The following MARCHF8 variants were observed in gnomAD, a reference collection of about 807,000 sequenced individuals.
The protein encoded by MARCHF8 is E3 ubiquitin-protein ligase MARCHF8.
MARCHF8 carries 40 observed loss-of-function variants against 51.6 expected under a neutral mutation model. That is an observed-to-expected ratio of 0.77 (90% CI 0.60 to 1.01). The LOEUF (loss-of-function observed/expected upper bound fraction) is 1.01, where lower values mean the gene tolerates loss of function less well. Ranked by LOEUF, MARCHF8 falls within the 50% of genes least tolerant of loss-of-function variation. MARCHF8 has a pLI of 0.00. For synonymous variants in MARCHF8, 263 were observed against 280.3 expected (o/e 0.94, Z 0.62); for missense variants, 685 against 708.6 (o/e 0.97, Z 0.38).
intron 2 of MARCHF8, among the ~76,000 whole-genome samples, chr10:45,514,402 C>T (rs2043585650): frequency 1.3e-5 from 2 of 152,248 alleles, no homozygotes; most frequent in South Asian, 2.1e-4. Context: ...CAACATGGTC[C>T]CTGTGCTTGA....
rs1471439131 is a variant in MARCHF8 at position 45,456,504 on chromosome 10, C to A, written c.*1735G>T. ...CCCACACCGTAGCTTAGAGATCCTTCAGCCTCCTGGCCTTCAAAACAAACT... is the reference window on the plus strand; with the variant it reads ...CCCACACCGTAGCTTAGAGATCCTTAAGCCTCCTGGCCTTCAAAACAAACT... On this transcript the variant is annotated 3_prime_UTR_variant, in exon 8 of 8. Transcript: ENST00000453424. 1.3e-5 allele frequency: 2 copies of A among 152,254 alleles called. No individual in the cohort carries two copies. Among genetic ancestry groups the A allele is most frequent in the Non-Finnish European group, 2.9e-5 (2 of 68,062 alleles). The allele number at this position is 152,254 out of a possible 1,614,324, so 9.4% of individuals were successfully genotyped here.
intron 2 of MARCHF8, among the ~76,000 whole-genome samples, chr10:45,492,321 G>A (rs564265874): frequency 2.1e-5 from 3 of 144,878 alleles, no homozygotes; most frequent in South Asian, 4.3e-4. Flanking sequence ...TTTTTGATAC[G>A]TAGTCTCGCT....
At chr10:45,487,873 C>T (rs1284538806) in intron 3 of MARCHF8, among the ~76,000 whole-genome samples, 2 of 151,866 alleles carry the variant, frequency 1.3e-5, no homozygotes, top group Non-Finnish European at 2.9e-5. Context: ...AGGCCTGAGA[C>T]AGCAGATAGA....
chr10:45,517,361 T>C (rs1178955593), intron 2 of MARCHF8, among the ~76,000 whole-genome samples: 1 of 152,206 alleles, frequency 6.6e-6, no homozygotes, highest in Non-Finnish European at 1.5e-5. Context: ...TGAAATTTAA[T>C]TGCCAATGTT....
intron 1 of MARCHF8, among the ~76,000 whole-genome samples, chr10:45,568,715 CAAAAAAAAAAA>C (rs71023130): frequency 6.6e-5 from 5 of 75,572 alleles, no homozygotes; most frequent in African/African-American, 1.6e-4. Context: ...GAGACTGTTT[CAAAAAAAAAAA>C]AAAAAAAAAA....
In MARCHF8 at chr10:45,455,698, G is replaced by C. The variant is rs1161904010; in HGVS notation, c.*2541C>G. The C allele has an allele frequency of 6.6e-6, 1 of 152,240 alleles. No homozygotes were observed. The highest frequency in any genetic ancestry group is 1.5e-5 in the Non-Finnish European group (1 of 68,070). 9.4% of individuals were successfully genotyped at this position (152,240 alleles called of 1,614,324 possible). A position where few individuals can be genotyped will look rare whatever the true frequency, so the allele number is the denominator to read the frequency against. On this transcript the variant is annotated 3_prime_UTR_variant, in exon 8 of 8. Transcript: ENST00000453424. ...CTTCATGCTTCACTGCTAGATGCAG[G>C]GGGCTAGAAGGGTCTGATGAATCAG... is the stretch of plus-strand genomic sequence containing the variant.
chr10:45,569,210 C>T (rs1272799828), intron 1 of MARCHF8, among the ~76,000 whole-genome samples: 1 of 152,122 alleles, frequency 6.6e-6, no homozygotes, highest in Non-Finnish European at 1.5e-5. Flanking sequence ...AGTTTTTCCC[C>T]ATGCAGTGTG....
intron 2 of MARCHF8, among the ~76,000 whole-genome samples, chr10:45,508,331 A>C: frequency 6.7e-6 from 1 of 149,660 alleles, no homozygotes. Flanking sequence ...ATTCTTTCAC[A>C]GTAAAAAAAA....
chr10:45,514,176 T>C (rs1433598454), intron 2 of MARCHF8, among the ~76,000 whole-genome samples: 2 of 152,214 alleles, frequency 1.3e-5, no homozygotes, highest in African/African-American at 4.8e-5. Context: ...TCATTGAAAA[T>C]GAAATTAAAA....
At chr10:45,572,597 G>A (rs2044443312) in intron 1 of MARCHF8, among the ~76,000 whole-genome samples, 1 of 152,084 alleles carries the variant, frequency 6.6e-6, no homozygotes, top group South Asian at 2.1e-4. Flanking sequence ...AACGGTCTGA[G>A]GTGCCTGACG....
At chr10:45,502,455 C>A (rs1291778974) in intron 2 of MARCHF8, among the ~76,000 whole-genome samples, 1 of 152,158 alleles carries the variant, frequency 6.6e-6, no homozygotes, top group Non-Finnish European at 1.5e-5. Flanking sequence ...TAAACCTATG[C>A]ATTCAAAAAA....
intron 2 of MARCHF8, among the ~76,000 whole-genome samples, chr10:45,498,722 C>T (rs572430922): frequency 1.5e-4 from 23 of 152,342 alleles, no homozygotes; most frequent in African/African-American, 4.3e-4. Context: ...GTGATCCTCC[C>T]TCCTCGGCCT....
At chr10:45,465,976 G>C (rs1372718045) in intron 3 of MARCHF8, among the ~76,000 whole-genome samples, 1 of 152,154 alleles carries the variant, frequency 6.6e-6, no homozygotes, top group Non-Finnish European at 1.5e-5. Flanking sequence ...CAAAATGAAA[G>C]ACATCTAGGG....
At chr10:45,531,590 C>T (rs1340201987) in intron 2 of MARCHF8, among the ~76,000 whole-genome samples, 1 of 151,510 alleles carries the variant, frequency 6.6e-6, no homozygotes, top group Non-Finnish European at 1.5e-5. Flanking sequence ...AAAAGATCAT[C>T]TCCACAGTGA....
intron 1 of MARCHF8, among the ~76,000 whole-genome samples, chr10:45,560,109 A>G (rs1301167363): frequency 6.6e-6 from 1 of 152,092 alleles, no homozygotes; most frequent in Non-Finnish European, 1.5e-5. Context: ...ATATAAAGGA[A>G]GATCCTCAAA....
At chr10:45,506,708 T>C (rs983749904) in intron 2 of MARCHF8, among the ~76,000 whole-genome samples, 1 of 152,236 alleles carries the variant, frequency 6.6e-6, no homozygotes, top group African/African-American at 2.4e-5. Flanking sequence ...ACAGGCTTTG[T>C]GTGAGCAAGA....
At chr10:45,559,410 G>A (rs2044285849) in intron 1 of MARCHF8, among the ~76,000 whole-genome samples, 1 of 152,166 alleles carries the variant, frequency 6.6e-6, no homozygotes, top group Admixed American at 6.5e-5. Context: ...TGCCCAGGCT[G>A]GAGGGCAGTG....
chr10:45,519,596 A>G (rs1042786473), intron 2 of MARCHF8, among the ~76,000 whole-genome samples: 4 of 152,260 alleles, frequency 2.6e-5, no homozygotes, highest in African/African-American at 9.6e-5. Context: ...CAATAAAACT[A>G]TATTTATGAA....
chr10:45,546,628 A>T (rs915931309), intron 1 of MARCHF8, among the ~76,000 whole-genome samples: 13 of 151,332 alleles, frequency 8.6e-5, no homozygotes, highest in South Asian at 2.1e-4. Context: ...CTAAAAATAT[A>T]AAAAAAATTG....
Sources: allele counts gnomAD v4.1 joint callset (sites outside exome capture counted in the v4.1 genomes callset), GRCh38; gene constraint gnomAD v4.1.1; transcripts MANE v1.5; gene names NCBI Gene and HGNC (gene_info 2026-07-23, HGNC 2026-07-21).